RSU1: variants seen among roughly 807,000 people sequenced by gnomAD.
RSU1 encodes the protein rsu-1.
A neutral mutation model predicts 31.1 loss-of-function variants in RSU1; 26 were observed. The observed-to-expected ratio is 0.84, with a 90% CI of 0.61 to 1.16. RSU1 has a LOEUF of 1.16. Ranked by LOEUF, RSU1 falls within the 50% of genes most tolerant of loss-of-function variation. RSU1 has a pLI of 0.00. For synonymous variants in RSU1, 164 were observed against 136.3 expected (o/e 1.20, Z -1.41); for missense variants, 320 against 339.1 (o/e 0.94, Z 0.44).
intron 8 of RSU1, among the ~76,000 whole-genome samples, chr10:16,628,394 C>T (rs865843833): frequency 3.3e-5 from 5 of 152,170 alleles, no homozygotes; most frequent in Admixed American, 1.3e-4. Context: ...TCAGTAGATT[C>T]GATTTACCTT....
At chr10:16,734,768 T>C (rs1339492835) in intron 7 of RSU1, among the ~76,000 whole-genome samples, 3 of 152,228 alleles carry the variant, frequency 2.0e-5, no homozygotes, top group East Asian at 3.8e-4. Flanking sequence ...AAATGGTTGG[T>C]GTTATGGGCT....
At chr10:16,756,291 T>C (rs1294588435) in intron 4 of RSU1, among the ~76,000 whole-genome samples, 2 of 152,212 alleles carry the variant, frequency 1.3e-5, no homozygotes, top group Non-Finnish European at 2.9e-5. Flanking sequence ...TTAACACCAC[T>C]GAACTGTCTA....
At chr10:16,737,964 T>C (rs1836665170) in intron 7 of RSU1, among the ~76,000 whole-genome samples, 1 of 152,204 alleles carries the variant, frequency 6.6e-6, no homozygotes, top group African/African-American at 2.4e-5. Context: ...ATAATTTAAA[T>C]TAGAAATCAG....
At chr10:16,798,331 C>T (rs59765383) in intron 2 of RSU1, among the ~76,000 whole-genome samples, 40,135 of 151,992 alleles carry the variant, frequency 0.26, 5,618 homozygotes, top group African/African-American at 0.37. Flanking sequence ...TTTAAAAGTT[C>T]TGATATGGTT....
chr10:16,782,793 CAAAAGT>C (rs772052196), intron 2 of RSU1, among the ~76,000 whole-genome samples: 2 of 151,948 alleles, frequency 1.3e-5, no homozygotes, highest in Non-Finnish European at 2.9e-5. Context: ...TACAGAGCCA[CAAAAGT>C]AAAAGAGAGA....
At chr10:16,809,492 G>A (rs1450715620) in intron 2 of RSU1, among the ~76,000 whole-genome samples, 2 of 152,156 alleles carry the variant, frequency 1.3e-5, no homozygotes, top group East Asian at 1.9e-4. Flanking sequence ...AGGGAGCCCA[G>A]GAGCAAAACA....
At chr10:16,718,603 A>G (rs1836191874) in intron 7 of RSU1, among the ~76,000 whole-genome samples, 1 of 151,312 alleles carries the variant, frequency 6.6e-6, no homozygotes, top group African/African-American at 2.5e-5. Flanking sequence ...TAGGAGAAAC[A>G]AAAGTAGGCC....
At chr10:16,626,947 A>G (rs1834169131) in intron 8 of RSU1, among the ~76,000 whole-genome samples, 1 of 152,226 alleles carries the variant, frequency 6.6e-6, no homozygotes, top group Admixed American at 6.5e-5. Context: ...CTGTTTACAA[A>G]TATTTGTGCC....
At chr10:16,626,189 T>C (rs1013377822) in intron 8 of RSU1, among the ~76,000 whole-genome samples, 1 of 151,840 alleles carries the variant, frequency 6.6e-6, no homozygotes, top group African/African-American at 2.4e-5. Flanking sequence ...GGACTAAAGG[T>C]GCATGCCACC....
At chr10:16,750,859 CTCTCT>C (rs1453762797) in intron 7 of RSU1, among the ~76,000 whole-genome samples, 2 of 146,360 alleles carry the variant, frequency 1.4e-5, no homozygotes, top group East Asian at 2.0e-4. Context: ...TGTACAAGAT[CTCTCT>C]TTTTTTTTTT....
intron 3 of RSU1, among the ~76,000 whole-genome samples, chr10:16,770,205 A>G (rs1372429636): frequency 6.6e-6 from 1 of 152,064 alleles, no homozygotes; most frequent in African/African-American, 2.4e-5. Context: ...AAAAAATCAA[A>G]GCCGTAAGGA....
Position 16,695,095 on chromosome 10 carries a change from G to GT in RSU1, c.658dup (p.Thr220AsnfsTer16). ...AAGCTGGAACTGGTCTGCAATGGGG[G>GT]TCACCCAGGGATTGTTCTCTGCTTT... On this transcript the variant is annotated frameshift_variant, in exon 8 of 9. Coordinates refer to ENST00000345264, the MANE Select transcript of RSU1 (RefSeq NM_012425.4). LOFTEE classifies it high-confidence loss of function. 6.3e-7 allele frequency: 1 copy of GT among 1,596,436 alleles called. No homozygotes were observed. Among genetic ancestry groups the GT allele is most frequent in the South Asian group, 1.1e-5 (1 of 90,712 alleles).
At chr10:16,812,614 A>T (rs574559938) in intron 2 of RSU1, among the ~76,000 whole-genome samples, 3 of 152,228 alleles carry the variant, frequency 2.0e-5, no homozygotes, top group East Asian at 3.9e-4. Context: ...ACCCATGATC[A>T]TATTTGTTTA....
chr10:16,806,366 A>C (rs966382616), intron 2 of RSU1, among the ~76,000 whole-genome samples: 1 of 152,206 alleles, frequency 6.6e-6, no homozygotes, highest in Admixed American at 6.5e-5. Context: ...CCAGTAAGGC[A>C]AAACAGGAGA....
In RSU1 at chr10:16,692,037, C is replaced by T. The variant is rs566961287; in HGVS notation, c.731+2986G>A. Among the ~76,000 whole-genome samples, 16 of 152,222 alleles carry T rather than the reference C, an allele frequency of 1.1e-4. No homozygotes were observed. The Middle Eastern group carries it at 0.017, about 162-fold the overall frequency. On this transcript the variant is annotated intron_variant, in intron 8 of 8. Transcript: ENST00000345264. ...CACCCCAAAGTGCTGGGATCATAGG[C>T]GTGAGCCACCGCACCCAGCCTACTG...
At chr10:16,745,063 G>T (rs551755134) in intron 7 of RSU1, among the ~76,000 whole-genome samples, 18 of 152,274 alleles carry the variant, frequency 1.2e-4, no homozygotes, top group Admixed American at 1.1e-3. Flanking sequence ...GTAACTAACT[G>T]CCTCTTCCCT....
intron 7 of RSU1, among the ~76,000 whole-genome samples, chr10:16,739,101 C>T (rs1220712084): frequency 6.6e-6 from 1 of 152,068 alleles, no homozygotes; most frequent in Non-Finnish European, 1.5e-5. Context: ...TTTCTTTATC[C>T]AGTCTATCAT....
At chr10:16,796,677 G>C (rs924083925) in intron 2 of RSU1, among the ~76,000 whole-genome samples, 1 of 152,158 alleles carries the variant, frequency 6.6e-6, no homozygotes, top group Non-Finnish European at 1.5e-5. Context: ...TCCTTCATTT[G>C]AGGAGAAGCT....
At chr10:16,615,654 T>A (rs114194958) in intron 8 of RSU1, among the ~76,000 whole-genome samples, 102 of 152,298 alleles carry the variant, frequency 6.7e-4, no homozygotes, top group African/African-American at 2.2e-3. Context: ...CCTCAGCATG[T>A]GCAAAAGAAT....
Sources: gnomAD v4.1 joint callset for allele counts (sites outside exome capture counted in the v4.1 genomes callset) on GRCh38, gnomAD v4.1.1 for gene constraint, MANE v1.5 for transcripts, NCBI Gene and HGNC (gene_info 2026-07-23, HGNC 2026-07-21) for gene names.